PRDM11: variants seen among roughly 807,000 people sequenced by gnomAD.
PRDM11 encodes the protein PR/SET domain 11.
Under a neutral mutation model 97.8 loss-of-function variants are expected in PRDM11, and 20 were observed. That is an observed-to-expected ratio of 0.20 (90% confidence interval 0.14 to 0.30). The LOEUF (loss-of-function observed/expected upper bound fraction) is 0.30, where lower values mean the gene tolerates loss of function less well. PRDM11 is among the 10% of genes least tolerant of loss of function. The probability of loss-of-function intolerance (pLI) is 1.00; values close to 1 mark genes in which losing one functional copy is unlikely to be tolerated. For synonymous variants in PRDM11, 599 were observed against 637.7 expected (o/e 0.94, Z 0.91); for missense variants, 1,139 against 1,555.2 (o/e 0.73, Z 4.50).
rs909315680 is a variant in PRDM11 at position 45,137,424 on chromosome 11, C to T, written c.96+41523C>T. Among the ~76,000 whole-genome samples the T allele has an allele frequency of 1.1e-4, 16 of 149,370 alleles. No individual in the cohort carries two copies. In the South Asian group the frequency reaches 1.5e-3, roughly 14 times the overall value. On this transcript the variant is annotated intron_variant, in intron 1 of 6. Coordinates refer to the PRDM11 transcript ENST00000530656. ...CTCCAGCCTGAGTGACAAGAGACTC[C>T]GTCTCAAAAAAAAAAAGAAAAAAGA...
At chr11:45,176,090 A>G (rs952506253) in intron 1 of PRDM11, among the ~76,000 whole-genome samples, 2 of 152,150 alleles carry the variant, frequency 1.3e-5, no homozygotes, top group African/African-American at 4.8e-5. Context: ...TCTAATGTCA[A>G]ACAATTTTTG....
At chr11:45,141,819 A>T (rs1295087339), upstream of PRDM11, among the ~76,000 whole-genome samples, 2 of 152,198 alleles carry the variant, frequency 1.3e-5, no homozygotes, top group African/African-American at 4.8e-5. Context: ...ATTCAAAGTC[A>T]GGAAGATGCA....
intron 1 of PRDM11, among the ~76,000 whole-genome samples, chr11:45,137,818 G>C (rs528519160): frequency 5.3e-5 from 8 of 152,130 alleles, no homozygotes; most frequent in African/African-American, 9.7e-5. Context: ...GTTCCTTCCC[G>C]ACTCGGGTCC....
In PRDM11 at chr11:45,160,200, C is replaced by T. The variant is rs562542202; in HGVS notation, c.-7+13323C>T. On this transcript the variant is annotated intron_variant, in intron 1 of 7. Coordinates refer to ENST00000683152, the MANE Select transcript of PRDM11 (RefSeq NM_001384648.1). ...TGTTTAAATTTCCTCTAATTCCCTCCACCCCAAGAGAGCTGTTGGCATGCC... is the reference window on the plus strand; with the variant it reads ...TGTTTAAATTTCCTCTAATTCCCTCTACCCCAAGAGAGCTGTTGGCATGCC... 8.5e-5 allele frequency among the ~76,000 whole-genome samples: 13 copies of T among 152,276 alleles called. No homozygotes were observed. The South Asian group carries it at 2.5e-3, about 29-fold the overall frequency.
intron 1 of PRDM11, among the ~76,000 whole-genome samples, chr11:45,101,599 A>G (rs1447545726): frequency 1.3e-5 from 2 of 149,068 alleles, no homozygotes; most frequent in African/African-American, 2.5e-5. Flanking sequence ...AAGAAGAAGA[A>G]GGCGTTCAGG....
intron 1 of PRDM11, among the ~76,000 whole-genome samples, chr11:45,104,615 C>G (rs1184099948): frequency 6.6e-6 from 1 of 152,150 alleles, no homozygotes; most frequent in Non-Finnish European, 1.5e-5. Context: ...CACCTGGGAC[C>G]TCAGCCCCAA....
At chr11:45,126,824 C>T (rs1267071362) in intron 1 of PRDM11, among the ~76,000 whole-genome samples, 2 of 152,112 alleles carry the variant, frequency 1.3e-5, no homozygotes, top group Non-Finnish European at 2.9e-5. Flanking sequence ...CTTGGAGTTG[C>T]TCTTCTCGAG....
intron 5 of PRDM11, 112 bp downstream of exon 5, chr11:45,204,890 C>A (rs991429465): frequency 2.3e-5 from 27 of 1,169,624 alleles, no homozygotes; most frequent in South Asian, 6.3e-5. Context: ...TGGAGGCTGC[C>A]GTTTGCAGGG....
intron 4 of PRDM11, among the ~76,000 whole-genome samples, chr11:45,200,318 G>A (rs940594949): frequency 6.6e-6 from 1 of 152,168 alleles, no homozygotes; most frequent in Non-Finnish European, 1.5e-5. Flanking sequence ...ACAACTCAGT[G>A]TTGAACCACA....
At chr11:45,100,759 C>T (rs574260183) in intron 1 of PRDM11, among the ~76,000 whole-genome samples, 3 of 152,190 alleles carry the variant, frequency 2.0e-5, no homozygotes, top group Non-Finnish European at 4.4e-5. Flanking sequence ...CAACAGAAGC[C>T]GCCTTTTATT....
intron 1 of PRDM11, among the ~76,000 whole-genome samples, chr11:45,129,992 A>G (rs1258039595): frequency 6.6e-6 from 1 of 152,174 alleles, no homozygotes; most frequent in Non-Finnish European, 1.5e-5. Context: ...TGGTCAACTG[A>G]TTTTTGACAG....
Position 45,219,828 on chromosome 11 carries a change from G to C in PRDM11, c.742+71G>C. 3.4e-6 allele frequency: 5 copies of C among 1,471,722 alleles called. No homozygotes were observed. Among genetic ancestry groups the C allele is most frequent in the Non-Finnish European group, 4.6e-6 (5 of 1,097,834 alleles). 91.2% of individuals were successfully genotyped at this position (1,471,722 alleles called of 1,614,324 possible). On this transcript the variant is annotated intron_variant, in intron 6 of 7. Transcript: ENST00000683152. The surrounding 1 kb of genome is among the most constrained non-coding windows in gnomAD (Gnocchi z 4.2). Reference sequence around the variant, plus strand: ...GGGGAGGCCTGGATAGCTTGTTTTGGAGCTTCCTGAGAAATACGGTTCCCA... The same window carrying C: ...GGGGAGGCCTGGATAGCTTGTTTTGCAGCTTCCTGAGAAATACGGTTCCCA...
chr11:45,183,168 A>T, intron 4 of PRDM11, 45 bp downstream of exon 4: 1 of 1,573,142 alleles, frequency 6.4e-7, no homozygotes, highest in Non-Finnish European at 8.6e-7. Context: ...GCCAAGAAAC[A>T]TGGAAGGAAA....
At chr11:45,125,858 G>A (rs927442000) in intron 1 of PRDM11, among the ~76,000 whole-genome samples, 68 of 152,242 alleles carry the variant, frequency 4.5e-4, no homozygotes, top group African/African-American at 1.3e-3. Flanking sequence ...TATTAGGTCC[G>A]CTTGGTGTGG....
At chr11:45,188,160 A>G (rs1251878892) in intron 4 of PRDM11, among the ~76,000 whole-genome samples, 1 of 152,172 alleles carries the variant, frequency 6.6e-6, no homozygotes, top group Non-Finnish European at 1.5e-5. Context: ...CTCTGTAGAA[A>G]TGATGGTGGT....
chr11:45,150,106 C>T (rs1221813576), intron 1 of PRDM11, among the ~76,000 whole-genome samples: 1 of 152,134 alleles, frequency 6.6e-6, no homozygotes, highest in Non-Finnish European at 1.5e-5. Context: ...ATCTTTTGTC[C>T]CTCCCATTTG....
chr11:45,209,776 G>A (rs942322941), intron 5 of PRDM11, among the ~76,000 whole-genome samples: 3 of 152,110 alleles, frequency 2.0e-5, no homozygotes, highest in African/African-American at 7.2e-5. Flanking sequence ...GGGGCCCCAC[G>A]TTTTCATTTT....
intron 5 of PRDM11, chr11:45,216,064 T>TA (rs1411532221): frequency 1.3e-5 from 2 of 152,676 alleles, no homozygotes; most frequent in Non-Finnish European, 2.9e-5. Context: ...TCTTAGTACT[T>TA]ACCTATCCAG....
chr11:45,122,234 C>CAG (rs201403813), intron 1 of PRDM11, among the ~76,000 whole-genome samples: 14 of 139,384 alleles, frequency 1.0e-4, no homozygotes, highest in South Asian at 5.0e-4. Context: ...CACACACACA[C>CAG]ACAGAGAGAA....
Sources: gnomAD v4.1 joint callset for allele counts (sites outside exome capture counted in the v4.1 genomes callset) on GRCh38, gnomAD v4.1.1 for gene constraint, Gnocchi (gnomAD v3.1) non-coding constraint, MANE v1.5 for transcripts, NCBI Gene and HGNC (gene_info 2026-07-23, HGNC 2026-07-21) for gene names.